Variants in GALNT13 observed in about 807,000 individuals in gnomAD.
GALNT13 encodes the protein polypeptide N-acetylgalactosaminyltransferase 13.
GALNT13 carries 28 observed loss-of-function variants against 64.2 expected under a neutral mutation model. That is an observed-to-expected ratio of 0.44 (90% CI 0.32 to 0.60). GALNT13 has a LOEUF of 0.60. GALNT13 is among the 20% of genes least tolerant of loss of function. GALNT13 has a pLI of 0.05. For synonymous variants in GALNT13, 214 were observed against 224.6 expected, an observed-to-expected ratio of 0.95 and a Z score of 0.42; for missense variants, 577 against 669.8, an observed-to-expected ratio of 0.86 and a Z score of 1.53.
At chr2:153,109,366 T>C in the GALNT13 span, among the ~76,000 whole-genome samples, 1 of 152,258 alleles carries the variant, frequency 6.6e-6, no homozygotes, top group East Asian at 1.9e-4. Context: ...TTGCTGGACA[T>C]GTTGAAAGCA....
At chr2:153,329,223 G>A in the GALNT13 span, among the ~76,000 whole-genome samples, 51 of 152,162 alleles carry the variant, frequency 3.4e-4, no homozygotes, top group Non-Finnish European at 6.2e-4. Context: ...CTTGCTGGGA[G>A]CTGCAGACGG....
At chr2:153,547,642 G>A in the GALNT13 span, among the ~76,000 whole-genome samples, 3 of 152,176 alleles carry the variant, frequency 2.0e-5, no homozygotes, top group African/African-American at 2.4e-5. Flanking sequence ...TGGAGCTTAT[G>A]TTCTCATGAA....
the GALNT13 span, among the ~76,000 whole-genome samples, chr2:153,151,576 A>T: frequency 6.6e-6 from 1 of 152,176 alleles, no homozygotes; most frequent in African/African-American, 2.4e-5. Flanking sequence ...ACTTGGAATC[A>T]ACCCAAATGT....
chr2:153,469,345 T>C, the GALNT13 span, among the ~76,000 whole-genome samples: 2 of 152,080 alleles, frequency 1.3e-5, no homozygotes, highest in Non-Finnish European at 2.9e-5. Flanking sequence ...GTCTTTATGG[T>C]TGAGAAATTT....
rs561817195 is a variant in GALNT13 at position 154,295,971 on chromosome 2, C to T, written c.976-5438C>T. 3.9e-5 allele frequency among the ~76,000 whole-genome samples: 6 copies of T among 152,316 alleles called. 1 individual carries two copies. Among genetic ancestry groups the T allele is most frequent in the Admixed American group, 3.3e-4 (5 of 15,298 alleles). The stretch of plus-strand genomic sequence containing the variant: ...ACATAGTTTTACTGTTTTCTTAAAA[C>T]TGTGCTCAGCTTCAGCCTTTATTTC... On this transcript the variant is annotated intron_variant, in intron 8 of 12. Coordinates refer to ENST00000392825, the MANE Select transcript of GALNT13 (RefSeq NM_052917.4).
chr2:153,962,366 A>G (rs187827395), intron 3 of GALNT13, among the ~76,000 whole-genome samples: 2 of 152,358 alleles, frequency 1.3e-5, no homozygotes, highest in East Asian at 3.9e-4. Flanking sequence ...GGAATGAATC[A>G]GTACATGGAG....
chr2:153,692,819 G>T, the GALNT13 span, among the ~76,000 whole-genome samples: 1 of 152,036 alleles, frequency 6.6e-6, no homozygotes, highest in Non-Finnish European at 1.5e-5. Context: ...AAATGAACAG[G>T]TTTCCTGGAT....
the GALNT13 span, among the ~76,000 whole-genome samples, chr2:153,613,104 A>C: frequency 1.3e-5 from 2 of 152,082 alleles, no homozygotes; most frequent in Non-Finnish European, 2.9e-5. Context: ...ACACGCATTG[A>C]TTTACTTGTA....
chr2:153,824,831 A>G, the GALNT13 span, among the ~76,000 whole-genome samples: 2 of 151,988 alleles, frequency 1.3e-5, no homozygotes, highest in Non-Finnish European at 2.9e-5. Context: ...CACCTCCCCT[A>G]TACCTCTCTG....
the GALNT13 span, among the ~76,000 whole-genome samples, chr2:153,202,877 C>T: frequency 6.6e-6 from 1 of 152,172 alleles, no homozygotes; most frequent in African/African-American, 2.4e-5. Flanking sequence ...TTTAATAATT[C>T]AGTATAACAA....
At chr2:154,151,089 A>G (rs1683984607) in intron 4 of GALNT13, among the ~76,000 whole-genome samples, 3 of 152,166 alleles carry the variant, frequency 2.0e-5, no homozygotes, top group Admixed American at 6.5e-5. Context: ...TTCCCTCTAC[A>G]CAGTGCTTCG....
At chr2:154,005,578 C>G (rs1696193380) in intron 3 of GALNT13, among the ~76,000 whole-genome samples, 1 of 152,158 alleles carries the variant, frequency 6.6e-6, no homozygotes, top group Non-Finnish European at 1.5e-5. Context: ...GCCCTTTGCT[C>G]TTTTCTCAGA....
chr2:153,537,094 A>G, the GALNT13 span, among the ~76,000 whole-genome samples: 1 of 152,204 alleles, frequency 6.6e-6, no homozygotes, highest in Non-Finnish European at 1.5e-5. Context: ...CAGTCCAGCA[A>G]GAAGATTCTG....
chr2:153,088,877 G>A, the GALNT13 span, among the ~76,000 whole-genome samples: 2 of 152,046 alleles, frequency 1.3e-5, no homozygotes, highest in African/African-American at 4.8e-5. Flanking sequence ...CATTAGCTAA[G>A]TCCCTTGAAG....
the GALNT13 span, among the ~76,000 whole-genome samples, chr2:153,557,375 A>C: frequency 6.6e-6 from 1 of 152,202 alleles, no homozygotes. Context: ...ATCTGTTTTT[A>C]AAGTGACTCA....
the GALNT13 span, among the ~76,000 whole-genome samples, chr2:153,541,833 A>G: frequency 6.6e-6 from 1 of 152,198 alleles, no homozygotes; most frequent in Non-Finnish European, 1.5e-5. Flanking sequence ...ATAAAAATGG[A>G]CAATTTCCCC....
At chr2:154,017,206 G>T (rs1290722163) in intron 3 of GALNT13, among the ~76,000 whole-genome samples, 2 of 152,020 alleles carry the variant, frequency 1.3e-5, no homozygotes, top group Non-Finnish European at 2.9e-5. Flanking sequence ...TCTTTAGTCT[G>T]ACTAATATGA....
chr2:153,383,195 T>C, the GALNT13 span, among the ~76,000 whole-genome samples: 55 of 152,180 alleles, frequency 3.6e-4, no homozygotes, highest in Middle Eastern at 0.014. Context: ...GGCAGGTTTC[T>C]GGGGGAAAAA....
intron 3 of GALNT13, among the ~76,000 whole-genome samples, chr2:154,007,995 T>C (rs956142013): frequency 2.7e-5 from 4 of 149,042 alleles, no homozygotes; most frequent in Admixed American, 2.0e-4. Context: ...GCCCCCCAAC[T>C]ATTCTCATGG....
Sources: allele counts gnomAD v4.1 joint callset (sites outside exome capture counted in the v4.1 genomes callset), GRCh38; gene constraint gnomAD v4.1.1; transcripts MANE v1.5; gene names NCBI Gene and HGNC (gene_info 2026-07-23, HGNC 2026-07-21).